Variants in MCF2L observed in about 807,000 individuals in gnomAD.
MCF2L encodes the protein MCF.2 cell line derived transforming sequence like, also known as guanine nucleotide exchange factor DBS.
Under a neutral mutation model 153.4 loss-of-function variants are expected in MCF2L, and 97 were observed. That is an observed-to-expected ratio of 0.63 (90% CI 0.54 to 0.75). The LOEUF is 0.75. MCF2L is among the 30% of genes least tolerant of loss of function. The probability of loss-of-function intolerance (pLI) is 0.00; values close to 1 mark genes in which losing one functional copy is unlikely to be tolerated. For synonymous variants in MCF2L, 659 were observed against 632.2 expected (o/e 1.04, Z -0.64); for missense variants, 1,347 against 1,495.2 (o/e 0.90, Z 1.64).
chr13:112,939,812 T>C (rs1217613946), intron 2 of MCF2L, among the ~76,000 whole-genome samples: 1 of 151,946 alleles, frequency 6.6e-6, no homozygotes, highest in Non-Finnish European at 1.5e-5. Context: ...ACCTCATCTC[T>C]ATGCAAAAAA....
At chr13:113,047,331 T>A (rs959809739) in intron 4 of MCF2L, 2 of 152,212 alleles carry the variant, frequency 1.3e-5, no homozygotes, top group African/African-American at 4.8e-5. Flanking sequence ...ATAAAAGCCA[T>A]CACCAGCTAA....
intron 2 of MCF2L, among the ~76,000 whole-genome samples, chr13:112,963,244 A>G (rs755540420): frequency 1.2e-4 from 18 of 152,148 alleles, no homozygotes; most frequent in Admixed American, 5.9e-4. Flanking sequence ...GGGCCCAGGC[A>G]TGTCTCGTGG....
chr13:113,095,769 C>G (rs1317501356), intron 27 of MCF2L: 12 of 998,910 alleles, frequency 1.2e-5, no homozygotes, highest in Non-Finnish European at 1.4e-5. Context: ...TGAATCTCCC[C>G]ACTCTGTAGG....
intron 1 of MCF2L, among the ~76,000 whole-genome samples, chr13:112,972,420 G>T (rs1394717290): frequency 7.4e-6 from 1 of 134,498 alleles, no homozygotes; most frequent in African/African-American, 2.8e-5. Flanking sequence ...GTGGATAAGT[G>T]GGTGGATGGA....
upstream of MCF2L, chr13:112,964,944 C>T (rs1210110049): frequency 1.3e-5 from 2 of 152,198 alleles, no homozygotes; most frequent in Admixed American, 6.5e-5. Flanking sequence ...TGCATCACAA[C>T]GTAATGGTCA....
At chr13:112,926,491 C>T (rs1204923129) in intron 2 of MCF2L, among the ~76,000 whole-genome samples, 15 of 150,758 alleles carry the variant, frequency 9.9e-5, no homozygotes, top group Admixed American at 9.2e-4. Context: ...GAGTGCTGCA[C>T]GGCCTGGTCT....
intron 1 of MCF2L, among the ~76,000 whole-genome samples, chr13:112,972,521 T>C (rs2082077599): frequency 6.7e-6 from 1 of 149,568 alleles, no homozygotes; most frequent in African/African-American, 2.5e-5. Flanking sequence ...TGTGAGTGGA[T>C]GGATGGATGT....
Position 112,969,277 on chromosome 13 carries a change from C to T in MCF2L, c.-103C>T, listed in dbSNP as rs1262248590. Reference sequence around the variant, plus strand: ...CTGAAAGCGCTGCCGTGGCCCCCTCCCCGCCTCCGCCGCGCCCCCTCCGCA... The same window carrying T: ...CTGAAAGCGCTGCCGTGGCCCCCTCTCCGCCTCCGCCGCGCCCCCTCCGCA... On this transcript the variant is annotated 5_prime_UTR_variant, in exon 1 of 30. Transcript: ENST00000535094. The surrounding 1 kb of genome is among the most constrained non-coding windows in gnomAD (Gnocchi z 4.8). 3.3e-6 allele frequency: 5 copies of T among 1,497,582 alleles called. No homozygotes were observed. The East Asian group carries it at 1.0e-4, about 31-fold the overall frequency. The allele number at this position is 1,497,582 out of a possible 1,614,324, so 92.8% of individuals were successfully genotyped here. A position where few individuals can be genotyped will look rare whatever the true frequency, so the allele number is the denominator to read the frequency against.
At chr13:112,955,361 C>T (rs997370506) in intron 2 of MCF2L, among the ~76,000 whole-genome samples, 6 of 152,166 alleles carry the variant, frequency 3.9e-5, no homozygotes, top group Non-Finnish European at 7.3e-5. Context: ...ACATGGGAGC[C>T]GCACCCGATG....
chr13:113,038,652 G>C (rs959454819), intron 3 of MCF2L, among the ~76,000 whole-genome samples: 1 of 152,094 alleles, frequency 6.6e-6, no homozygotes, highest in Non-Finnish European at 1.5e-5. Context: ...ACATTGGCAG[G>C]CTGCCTTTAC....
chr13:113,094,501 CTG>C lies in MCF2L; in HGVS notation c.2954-11_2954-10del, dbSNP rs370576897. The C allele has an allele frequency of 4.2e-4, 674 of 1,605,966 alleles. 2 individuals carry two copies. In the African/African-American group the frequency reaches 7.8e-3, roughly 19 times the overall value. Reference sequence around the variant, plus strand: ...TCACCGGGGGGTCCCTCACGGGTGTCTGTCTCTCTTAGGTTGGAGCAAAACGT... The same window carrying C: ...TCACCGGGGGGTCCCTCACGGGTGTCTCTCTCTTAGGTTGGAGCAAAACGT... On this transcript the variant is annotated splice_polypyrimidine_tract_variant and intron_variant, in intron 26 of 29. Transcript: ENST00000535094.
chr13:113,019,059 C>T (rs536249802), intron 2 of MCF2L, among the ~76,000 whole-genome samples: 5 of 152,058 alleles, frequency 3.3e-5, no homozygotes, highest in Admixed American at 6.5e-5. Context: ...TGGAGACCTT[C>T]GTCTCTTCTC....
chr13:112,995,163 G>A (rs867219282), intron 1 of MCF2L, among the ~76,000 whole-genome samples: 3 of 152,200 alleles, frequency 2.0e-5, no homozygotes, highest in Non-Finnish European at 4.4e-5. Flanking sequence ...CACTGTGCCC[G>A]TGCCCCGGGC....
At chr13:112,999,772 C>T (rs2083285125) in intron 1 of MCF2L, among the ~76,000 whole-genome samples, 1 of 152,218 alleles carries the variant, frequency 6.6e-6, no homozygotes, top group Non-Finnish European at 1.5e-5. Flanking sequence ...TGAGGGGACC[C>T]ACCGTGTGGC....
At chr13:112,947,566 G>A (rs1051948964) in intron 2 of MCF2L, among the ~76,000 whole-genome samples, 1 of 152,156 alleles carries the variant, frequency 6.6e-6, no homozygotes, top group Non-Finnish European at 1.5e-5. Context: ...AGGGAGTAAC[G>A]GGCCCCAAGT....
intron 3 of MCF2L, among the ~76,000 whole-genome samples, chr13:113,037,940 C>T (rs984277818): frequency 6.6e-6 from 1 of 152,176 alleles, no homozygotes; most frequent in East Asian, 1.9e-4. Flanking sequence ...AATTAAGTAA[C>T]AGTCAGACTC....
intron 26 of MCF2L, 41 bp downstream of exon 26, chr13:113,089,769 C>T (rs752828996): frequency 6.3e-7 from 1 of 1,598,302 alleles, no homozygotes; most frequent in East Asian, 2.2e-5. Context: ...GGAGGCCTCA[C>T]ACGGAGCTGC....
chr13:113,007,449 C>G (rs1362638601), intron 1 of MCF2L, among the ~76,000 whole-genome samples: 2 of 152,204 alleles, frequency 1.3e-5, no homozygotes, highest in Admixed American at 6.5e-5. Flanking sequence ...GTTCTGAAAT[C>G]ACTTGAGTGG....
In MCF2L at chr13:112,953,623, C is replaced by T. The variant is rs115243758; in HGVS notation, c.169+51252C>T. Among the ~76,000 whole-genome samples, 746 of 152,294 alleles carry T rather than the reference C, an allele frequency of 4.9e-3. 4 individuals are homozygous for T. The highest frequency in any genetic ancestry group is 0.017 in the African/African-American group (689 of 41,570). ...CCTGCCTGCAGACTTCACCTGTGGC[C>T]GGTGGTTCTAGAGGCCTGGGCAGGA... is the stretch of plus-strand genomic sequence containing the variant. On this transcript the variant is annotated intron_variant, in intron 2 of 29. Transcript: ENST00000375608.
Sources: gnomAD v4.1 joint callset for allele counts (sites outside exome capture counted in the v4.1 genomes callset) on GRCh38, gnomAD v4.1.1 for gene constraint, Gnocchi (gnomAD v3.1) non-coding constraint, MANE v1.5 for transcripts, NCBI Gene and HGNC (gene_info 2026-07-23, HGNC 2026-07-21) for gene names.